The following GON4L variants were observed in gnomAD, a reference collection of about 807,000 sequenced individuals.
GON4L encodes the protein GON-4-like protein.
GON4L carries 87 observed loss-of-function variants against 211.8 expected under a neutral mutation model. That is an observed-to-expected ratio of 0.41 (90% CI 0.35 to 0.49). GON4L has a LOEUF of 0.49. Among genes scored for constraint, GON4L ranks in the 20% least tolerant of loss-of-function variants. GON4L has a pLI of 0.15. For missense variants in GON4L, 2,155 were observed against 2,659.5 expected (o/e 0.81, Z 4.17); for synonymous variants, 875 against 962.6 (o/e 0.91, Z 1.68).
At chr1:155,789,819 C>T (rs1164321499) in intron 12 of GON4L, among the ~76,000 whole-genome samples, 1 of 151,984 alleles carries the variant, frequency 6.6e-6, no homozygotes, top group Non-Finnish European at 1.5e-5. Flanking sequence ...TGCTCAAGTC[C>T]CTTATATAAA....
intron 6 of GON4L, among the ~76,000 whole-genome samples, chr1:155,817,281 A>C (rs1203872195): frequency 6.6e-6 from 1 of 152,206 alleles, no homozygotes; most frequent in Non-Finnish European, 1.5e-5. Context: ...GGTGTGAGCC[A>C]CCACATCTAG....
In GON4L at chr1:155,787,343, A is replaced by G. The variant is rs1210164156; in HGVS notation, c.1748-1969T>C. On this transcript the variant is annotated intron_variant, in intron 12 of 31. Coordinates refer to ENST00000368331, the MANE Select transcript of GON4L (RefSeq NM_001282860.2). ...AAAGTTTTGGTTGATATCAAGTTCA[A>G]TAAGACACAGTTGCTCCAAAACGGG... is the stretch of plus-strand genomic sequence containing the variant. 2.6e-5 allele frequency among the ~76,000 whole-genome samples: 4 copies of G among 152,366 alleles called. No homozygotes were observed. The East Asian group carries it at 7.7e-4, about 29-fold the overall frequency.
intron 2 of GON4L, among the ~76,000 whole-genome samples, chr1:155,836,684 G>A (rs1278246549): frequency 6.6e-6 from 1 of 152,224 alleles, no homozygotes; most frequent in Non-Finnish European, 1.5e-5. Flanking sequence ...GGGTGCCCCA[G>A]ACAGAAGCAC....
At chr1:155,849,742 C>G (rs1203005280) in intron 2 of GON4L, among the ~76,000 whole-genome samples, 1 of 140,666 alleles carries the variant, frequency 7.1e-6, no homozygotes, top group East Asian at 2.0e-4. Flanking sequence ...CCACTGCCCT[C>G]CAGCCTGGGC....
At chr1:155,816,060 T>A in intron 7 of GON4L, 152 bp downstream of exon 7, 1 of 697,244 alleles carries the variant, frequency 1.4e-6, no homozygotes, top group Non-Finnish European at 2.6e-6. Context: ...GTGAATTCCA[T>A]GAGATACAAA....
At chr1:155,832,564 AG>A (rs1669899377) in intron 2 of GON4L, among the ~76,000 whole-genome samples, 1 of 152,080 alleles carries the variant, frequency 6.6e-6, no homozygotes, top group African/African-American at 2.4e-5. Context: ...GCTTGAACCT[AG>A]GAAGTGGAGG....
At chr1:155,782,501 T>C (rs902673370) in intron 14 of GON4L, among the ~76,000 whole-genome samples, 5 of 152,190 alleles carry the variant, frequency 3.3e-5, no homozygotes, top group African/African-American at 1.2e-4. Context: ...CTAAACCATC[T>C]AGGTTTATCC....
Position 155,757,591 on chromosome 1 carries a change from C to CA in GON4L, c.5254-269dup, listed in dbSNP as rs780949036. On this transcript the variant is annotated intron_variant, in intron 25 of 31. Transcript: ENST00000368331. ...AGCTAGGGCACTATTCCAAGCAGAG[C>CA]AAGGAGGTAAGGCCCCTCCCAGGTC... Among the ~76,000 whole-genome samples the CA allele has an allele frequency of 1.9e-4, 28 of 150,470 alleles. 2 individuals are homozygous for CA. In the East Asian group the frequency reaches 3.0e-3, roughly 16 times the overall value.
In GON4L at chr1:155,853,547, C is replaced by G. The variant is rs368408623; in HGVS notation, c.234G>C (p.Leu78=). The G allele has an allele frequency of 1.2e-6, 2 of 1,614,094 alleles. No homozygotes were observed. The highest frequency in any genetic ancestry group is 2.7e-5 in the African/African-American group (2 of 74,944). ...TGTTCTGGGTGAGCATTCCAGAGCT[C>G]AGAGATGTATCCTCCATACCAAGCT... ...GNQLGMEDTS[L]SSGMLTQNTN... is the part of the protein sequence containing the mutation. Residue 78 remains leucine, a synonymous_variant, in exon 2 of 32, where the codon CTG becomes CTC. Coordinates refer to ENST00000368331, the MANE Select transcript of GON4L (RefSeq NM_001282860.2).
chr1:155,752,971 CA>C (rs1660769045), intron 29 of GON4L, among the ~76,000 whole-genome samples: 1 of 152,020 alleles, frequency 6.6e-6, no homozygotes, highest in African/African-American at 2.4e-5. Flanking sequence ...GAATAAAACA[CA>C]AGACAATGTT....
chr1:155,758,551 C>T (rs1661428777), intron 24 of GON4L, among the ~76,000 whole-genome samples: 1 of 152,158 alleles, frequency 6.6e-6, no homozygotes, highest in Non-Finnish European at 1.5e-5. Context: ...GCAGGAGGAT[C>T]CCAGGGGCCT....
intron 10 of GON4L, 28 bp downstream of exon 10, chr1:155,813,606 C>G (rs1557890335): frequency 6.4e-7 from 1 of 1,551,462 alleles, no homozygotes; most frequent in Non-Finnish European, 8.9e-7. Context: ...ACTTGACTTT[C>G]TCAGTTAAGT....
intron 16 of GON4L, among the ~76,000 whole-genome samples, 167 bp downstream of exon 16, chr1:155,776,228 A>C (rs1663804758): frequency 6.6e-6 from 1 of 152,242 alleles, no homozygotes; most frequent in Non-Finnish European, 1.5e-5. Context: ...TCAGTGGCTT[A>C]CGTTCTCTCA....
intron 2 of GON4L, among the ~76,000 whole-genome samples, chr1:155,834,888 G>A (rs1317175912): frequency 6.8e-5 from 10 of 146,160 alleles, no homozygotes; most frequent in Non-Finnish European, 1.0e-4. Context: ...CAGCCGCCCC[G>A]TCCGGGAGGT....
intron 6 of GON4L, among the ~76,000 whole-genome samples, chr1:155,819,596 G>A (rs1557897377): frequency 6.6e-6 from 1 of 151,854 alleles, no homozygotes; most frequent in Non-Finnish European, 1.5e-5. Context: ...AATAAAACCA[G>A]GACAGATAAA....
chr1:155,786,448 T>C (rs1004954582), intron 12 of GON4L, among the ~76,000 whole-genome samples: 3 of 151,584 alleles, frequency 2.0e-5, no homozygotes, highest in Admixed American at 2.0e-4. Flanking sequence ...GAGAAATCTC[T>C]TGAGTCCAGG....
At chr1:155,748,438 A>G, downstream of GON4L, 1 of 1,611,058 alleles carries the variant, frequency 6.2e-7, no homozygotes, top group South Asian at 1.1e-5. Context: ...TCCTGGCTAC[A>G]GCCCTGGACA....
chr1:155,749,356 C>G, downstream of GON4L: 1 of 1,610,274 alleles, frequency 6.2e-7, no homozygotes, highest in Non-Finnish European at 8.5e-7. Flanking sequence ...CCTCCACCCT[C>G]TGCCCTTCAT....
chr1:155,777,127 C>T (rs1663894635), intron 15 of GON4L, among the ~76,000 whole-genome samples: 1 of 152,324 alleles, frequency 6.6e-6, no homozygotes, highest in Middle Eastern at 3.4e-3. Flanking sequence ...CCATTAGTGT[C>T]CTTGTGTGCT....
Sources: allele counts gnomAD v4.1 joint callset (sites outside exome capture counted in the v4.1 genomes callset), GRCh38; gene constraint gnomAD v4.1.1; transcripts MANE v1.5; gene names NCBI Gene and HGNC (gene_info 2026-07-23, HGNC 2026-07-21).